Variants in EEPD1 observed in about 807,000 individuals in gnomAD.
The protein encoded by EEPD1 is endonuclease/exonuclease/phosphatase family domain-containing protein 1.
EEPD1 carries 17 observed loss-of-function variants against 46.3 expected under a neutral mutation model. The observed-to-expected ratio is 0.37, with a 90% confidence interval of 0.25 to 0.55. EEPD1 has a LOEUF of 0.55. EEPD1 is among the 20% of genes least tolerant of loss of function. EEPD1 has a pLI of 0.83. For synonymous variants in EEPD1, 313 were observed against 315.6 expected (o/e 0.99, Z 0.09); for missense variants, 673 against 745.6 (o/e 0.90, Z 1.13).
chr7:36,256,338 C>T (rs560514106), intron 3 of EEPD1, among the ~76,000 whole-genome samples: 22 of 152,242 alleles, frequency 1.4e-4, no homozygotes, highest in African/African-American at 5.3e-4. Context: ...CCATTAGGTC[C>T]ACTTGGTCCA....
intron 3 of EEPD1, among the ~76,000 whole-genome samples, chr7:36,275,012 C>A (rs1386213791): frequency 6.6e-6 from 1 of 152,172 alleles, no homozygotes; most frequent in Non-Finnish European, 1.5e-5. Context: ...GCATCTTCAT[C>A]CACCAAAATA....
intron 2 of EEPD1, among the ~76,000 whole-genome samples, chr7:36,199,363 C>T (rs2726086): frequency 0.14 from 21,691 of 151,964 alleles, 1,656 homozygotes; most frequent in Non-Finnish European, 0.17. Flanking sequence ...TCATTACCTG[C>T]CCCCCCTTTA....
intron 2 of EEPD1, among the ~76,000 whole-genome samples, chr7:36,186,202 ACT>A (rs1471739844): frequency 6.6e-6 from 1 of 151,138 alleles, no homozygotes; most frequent in African/African-American, 2.4e-5. Context: ...CTCTGGGCCC[ACT>A]CTCTGCTGGG....
chr7:36,237,055 C>T (rs1786462444), intron 2 of EEPD1, among the ~76,000 whole-genome samples: 1 of 152,200 alleles, frequency 6.6e-6, no homozygotes. Flanking sequence ...AGTATCATTT[C>T]TGAAGTCAGG....
At chr7:36,231,207 TCTGTG>T (rs1342733710) in intron 2 of EEPD1, 1 of 152,482 alleles carries the variant, frequency 6.6e-6, no homozygotes, top group Non-Finnish European at 1.5e-5. Context: ...CTGCTTGTCT[TCTGTG>T]CTGTCAGTGT....
chr7:36,244,126 G>C (rs1348087120), intron 3 of EEPD1, among the ~76,000 whole-genome samples: 2 of 152,108 alleles, frequency 1.3e-5, no homozygotes, highest in East Asian at 3.9e-4. Flanking sequence ...CACACATTCT[G>C]CAAACCTCAA....
chr7:36,281,313 G>A (rs990853779), intron 4 of EEPD1, 88 bp downstream of exon 4: 4 of 1,176,754 alleles, frequency 3.4e-6, no homozygotes, highest in Non-Finnish European at 4.9e-6. Context: ...AATTTCCTTT[G>A]CCAATATCCC....
intron 2 of EEPD1, among the ~76,000 whole-genome samples, chr7:36,213,342 A>G (rs1424826752): frequency 2.6e-5 from 4 of 151,940 alleles, no homozygotes; most frequent in African/African-American, 9.7e-5. Context: ...GCTTGGTCTG[A>G]TGGTGTCTGA....
intron 5 of EEPD1, among the ~76,000 whole-genome samples, chr7:36,286,258 G>A (rs1004308931): frequency 6.6e-6 from 1 of 152,190 alleles, no homozygotes; most frequent in Non-Finnish European, 1.5e-5. Flanking sequence ...TATAGGCCTG[G>A]CAGTTGGTGC....
intron 2 of EEPD1, among the ~76,000 whole-genome samples, chr7:36,164,918 A>G (rs989487146): frequency 2.6e-5 from 4 of 152,248 alleles, no homozygotes; most frequent in Admixed American, 6.5e-5. Flanking sequence ...AAGAAAGAAA[A>G]TGTTTTTATA....
At chr7:36,227,894 G>A (rs1218086433) in intron 2 of EEPD1, among the ~76,000 whole-genome samples, 1 of 152,102 alleles carries the variant, frequency 6.6e-6, no homozygotes, top group Non-Finnish European at 1.5e-5. Flanking sequence ...CACCATGTTG[G>A]TCAGGCTGGT....
At chr7:36,219,567 G>T (rs1786095612) in intron 2 of EEPD1, among the ~76,000 whole-genome samples, 1 of 147,178 alleles carries the variant, frequency 6.8e-6, no homozygotes, top group Admixed American at 6.9e-5. Context: ...GAAGGGAGGG[G>T]AGAGAGAAGG....
In EEPD1 at chr7:36,168,145, G is replaced by A. The variant is rs571000812; in HGVS notation, c.878+12943G>A. Among the ~76,000 whole-genome samples the A allele has an allele frequency of 2.6e-5, 4 of 152,326 alleles. No individual in the cohort carries two copies. The South Asian group carries it at 6.2e-4, about 24-fold the overall frequency. ...TGGACTGAGGGTTTCATAAGGGCAG[G>A]AGCCATGCACATATGGTGGAGTTTT... On this transcript the variant is annotated intron_variant, in intron 2 of 7. Coordinates refer to ENST00000242108, the MANE Select transcript of EEPD1 (RefSeq NM_030636.3).
intron 2 of EEPD1, among the ~76,000 whole-genome samples, 163 bp from the exon 3 acceptor site, chr7:36,238,822 C>A (rs1303453793): frequency 6.6e-6 from 1 of 152,154 alleles, no homozygotes; most frequent in Non-Finnish European, 1.5e-5. Flanking sequence ...TAAATACTTT[C>A]AAAACGGTCA....
At chr7:36,181,842 G>T (rs1054062913) in intron 2 of EEPD1, among the ~76,000 whole-genome samples, 1 of 152,134 alleles carries the variant, frequency 6.6e-6, no homozygotes, top group African/African-American at 2.4e-5. Context: ...TCTTTGTGTG[G>T]CAATGTTAAC....
At chr7:36,212,638 G>T (rs371178575) in intron 2 of EEPD1, among the ~76,000 whole-genome samples, 1 of 149,108 alleles carries the variant, frequency 6.7e-6, no homozygotes, top group Admixed American at 6.8e-5. Context: ...AGTGGGAGCC[G>T]ACTACACAAG....
At chr7:36,179,371 G>C (rs1314871399) in intron 2 of EEPD1, among the ~76,000 whole-genome samples, 1 of 152,098 alleles carries the variant, frequency 6.6e-6, no homozygotes, top group Non-Finnish European at 1.5e-5. Flanking sequence ...TATATATATT[G>C]GGGTTACATG....
intron 2 of EEPD1, among the ~76,000 whole-genome samples, chr7:36,207,013 T>C (rs1310960405): frequency 1.3e-5 from 2 of 152,084 alleles, no homozygotes; most frequent in East Asian, 3.9e-4. Context: ...CGTGCCACTG[T>C]ACTCCAGCCT....
At chr7:36,292,861 C>T (rs1486237417) in intron 6 of EEPD1, among the ~76,000 whole-genome samples, 1 of 152,124 alleles carries the variant, frequency 6.6e-6, no homozygotes, top group Non-Finnish European at 1.5e-5. Flanking sequence ...CATTTTCAGC[C>T]CCTCTGTGAC....
Sources: gnomAD v4.1 joint callset for allele counts (sites outside exome capture counted in the v4.1 genomes callset) on GRCh38, gnomAD v4.1.1 for gene constraint, MANE v1.5 for transcripts, NCBI Gene and HGNC (gene_info 2026-07-23, HGNC 2026-07-21) for gene names.